Variants in FGD4 observed in about 807,000 individuals in gnomAD.
The protein encoded by FGD4 is FYVE, RhoGEF and PH domain-containing protein 4.
In FGD4, 42 loss-of-function variants were observed where a neutral mutation model predicts 102.0. The ratio of observed to expected loss-of-function variants is 0.41; its 90% CI spans 0.32 to 0.53. The LOEUF is 0.53. Among genes scored for constraint, FGD4 ranks in the 20% least tolerant of loss-of-function variants. The pLI is 0.21. For synonymous variants in FGD4, 380 were observed against 375.7 expected (o/e 1.01, Z -0.13); for missense variants, 902 against 1,078.2 (o/e 0.84, Z 2.29).
chr12:32,618,254 ATTG>A (rs958344159), intron 10 of FGD4, among the ~76,000 whole-genome samples: 80 of 152,310 alleles, frequency 5.3e-4, no homozygotes, highest in African/African-American at 1.9e-3. Flanking sequence ...CAATTTGGTT[ATTG>A]TTGGTGGCTG....
intron 1 of FGD4, among the ~76,000 whole-genome samples, chr12:32,412,408 A>G (rs955781195): frequency 8.5e-5 from 13 of 152,162 alleles, no homozygotes; most frequent in African/African-American, 3.1e-4. Context: ...AAGGGCTTTT[A>G]ATTCAAAATA....
At position 32,619,747 on chromosome 12, in the gene FGD4, C is replaced by T; in HGVS notation, c.1799C>T (p.Ser600Phe). The T allele has an allele frequency of 6.2e-7, 1 of 1,614,050 alleles. No homozygotes were observed. Among genetic ancestry groups the T allele is most frequent in the Non-Finnish European group, 8.5e-7 (1 of 1,180,028 alleles). ...GTGCCCAAATTCAGCTTGGTAGGCT[C>T]TAAATTCACAGTTCGAACCAGGGTT... ...YCVPKFSLVG[S>F]KFTVRTRVGI... The change falls in exon 11 of 17, where the codon TCT becomes TTT. Residue 600 changes from serine to phenylalanine, a missense_variant. By Grantham distance (155) the Ser-to-Phe change is radical (BLOSUM62 -2). Around this residue, in one of 2 missense-constraint regions of FGD4, gnomAD observed 459 missense variants for 619.0 expected, o/e 0.74. Coordinates refer to ENST00000534526, the MANE Select transcript of FGD4 (RefSeq NM_001370298.3).
Position 32,541,015 on chromosome 12 carries a change from A to G in FGD4, c.167-23122A>G, listed in dbSNP as rs1340338244. 2.0e-5 allele frequency among the ~76,000 whole-genome samples: 3 copies of G among 152,174 alleles called. No individual in the cohort carries two copies. In the East Asian group the frequency reaches 5.8e-4, roughly 29 times the overall value. On this transcript the variant is annotated intron_variant, in intron 1 of 16. Coordinates refer to ENST00000534526, the MANE Select transcript of FGD4 (RefSeq NM_001370298.3). ...CAGACTTTTTATTTGTAGGAGAAAA[A>G]TTGTATTAGATGTAGCCAAATATGG...
chr12:32,637,048 C>CT (rs920177828), intron 15 of FGD4, among the ~76,000 whole-genome samples: 5,238 of 86,368 alleles, frequency 0.061, 429 homozygotes, highest in East Asian at 0.41. Context: ...TTTTTTTCTT[C>CT]TTTTTTTTTT....
chr12:32,610,753 A>G (rs753884121), intron 8 of FGD4, 23 bp from the exon 9 acceptor site: 2 of 1,598,752 alleles, frequency 1.3e-6, no homozygotes, highest in Admixed American at 1.7e-5. Context: ...ATATTTATTT[A>G]CTTTTCTTTT....
At chr12:32,402,430 AG>A (rs1253005806) in intron 1 of FGD4, among the ~76,000 whole-genome samples, 1 of 151,156 alleles carries the variant, frequency 6.6e-6, no homozygotes, top group Non-Finnish European at 1.5e-5. Flanking sequence ...AGAGAGAGAG[AG>A]GGGAGGGGAG....
In FGD4 at chr12:32,640,632, A is replaced by C; in HGVS notation, c.*99A>C. 1 of 1,528,170 alleles carries C rather than the reference A, an allele frequency of 6.5e-7. No individual in the cohort carries two copies. The highest frequency in any genetic ancestry group is 1.1e-5 in the South Asian group (1 of 87,986). The allele number at this position is 1,528,170 out of a possible 1,614,324, so 94.7% of individuals were successfully genotyped here. A position where few individuals can be genotyped will look rare whatever the true frequency, so the allele number is the denominator to read the frequency against. Reference sequence around the variant, plus strand: ...ATCTGCTAGCACTTTATGTTGAAAAATATAGGCCCATAAATGCATCTTTTG... The same window carrying C: ...ATCTGCTAGCACTTTATGTTGAAAACTATAGGCCCATAAATGCATCTTTTG... On this transcript the variant is annotated 3_prime_UTR_variant, in exon 17 of 17. Transcript: ENST00000534526.
chr12:32,413,690 A>G (rs1941293462), intron 1 of FGD4, among the ~76,000 whole-genome samples: 1 of 152,142 alleles, frequency 6.6e-6, no homozygotes, highest in African/African-American at 2.4e-5. Context: ...TCTCCCTAAA[A>G]TGTATAAAAC....
At chr12:32,474,774 G>A (rs1032421420) in intron 1 of FGD4, among the ~76,000 whole-genome samples, 30 of 152,180 alleles carry the variant, frequency 2.0e-4, no homozygotes, top group African/African-American at 7.0e-4. Context: ...GCATGGTGTC[G>A]TGTGCCTGTA....
intron 1 of FGD4, among the ~76,000 whole-genome samples, chr12:32,529,888 G>A (rs1359976255): frequency 6.7e-6 from 1 of 150,128 alleles, no homozygotes; most frequent in Non-Finnish European, 1.5e-5. Context: ...ATTGCCAATA[G>A]TATGTTAGGT....
At chr12:32,510,368 A>G (rs1419877003) in intron 1 of FGD4, among the ~76,000 whole-genome samples, 1 of 152,220 alleles carries the variant, frequency 6.6e-6, no homozygotes, top group East Asian at 1.9e-4. Flanking sequence ...TATATGCTGT[A>G]TTATGCTTTT....
At chr12:32,631,666 G>A (rs1390802992) in intron 14 of FGD4, among the ~76,000 whole-genome samples, 4 of 151,860 alleles carry the variant, frequency 2.6e-5, no homozygotes, top group African/African-American at 9.7e-5. Flanking sequence ...CACCATGCCC[G>A]GCTAATTTTT....
rs543206800 is a variant in FGD4, at chr12:32,598,820, T to C, written c.1101+234T>C. Among the ~76,000 whole-genome samples the C allele has an allele frequency of 2.6e-5, 4 of 152,362 alleles. No homozygotes were observed. The East Asian group carries it at 7.7e-4, about 29-fold the overall frequency. ...CTCTCTATGAATCACAAAATGTGTT[T>C]ATCAAGTGTCCTATAAACTTAAACA... On this transcript the variant is annotated intron_variant, in intron 5 of 16. Coordinates refer to ENST00000534526, the MANE Select transcript of FGD4 (RefSeq NM_001370298.3).
chr12:32,458,184 A>G (rs1416792616), intron 1 of FGD4, among the ~76,000 whole-genome samples: 3 of 146,164 alleles, frequency 2.1e-5, no homozygotes, highest in African/African-American at 5.1e-5. Flanking sequence ...TTTTTTTCCT[A>G]TTTGAGACAA....
chr12:32,534,239 C>T, intron 1 of FGD4: 3 of 1,201,310 alleles, frequency 2.5e-6, no homozygotes, highest in Non-Finnish European at 3.2e-6. Flanking sequence ...CAATGTACTG[C>T]AGCAGTCCGT....
intron 1 of FGD4, among the ~76,000 whole-genome samples, chr12:32,471,528 C>T (rs7966919): frequency 0.37 from 56,543 of 152,070 alleles, 11,434 homozygotes; most frequent in South Asian, 0.51. Context: ...TTCCACATTA[C>T]ATCTCTTCAG....
chr12:32,596,661 C>T (rs977868685), intron 4 of FGD4, among the ~76,000 whole-genome samples: 9 of 150,870 alleles, frequency 6.0e-5, no homozygotes, highest in Non-Finnish European at 1.2e-4. Flanking sequence ...AGGGGCTGGG[C>T]GCATTGGCTC....
intron 1 of FGD4, among the ~76,000 whole-genome samples, chr12:32,495,062 C>T (rs1412445588): frequency 6.6e-6 from 1 of 151,942 alleles, no homozygotes; most frequent in Non-Finnish European, 1.5e-5. Context: ...AACAGTTGCC[C>T]CCACCCCCAT....
intron 1 of FGD4, among the ~76,000 whole-genome samples, chr12:32,518,018 A>G (rs562311793): frequency 6.8e-6 from 1 of 146,604 alleles, no homozygotes; most frequent in East Asian, 2.0e-4. Context: ...TGCCATCATC[A>G]TAGTTTTAAC....
Sources: allele counts gnomAD v4.1 joint callset (sites outside exome capture counted in the v4.1 genomes callset), GRCh38; gene constraint gnomAD v4.1.1; regional missense constraint gnomAD v4.1.1; transcripts MANE v1.5; gene names NCBI Gene and HGNC (gene_info 2026-07-23, HGNC 2026-07-21).